The following EFCAB11 variants were observed in gnomAD, a reference collection of about 807,000 sequenced individuals.
EFCAB11 encodes EF-hand calcium binding domain 11, also known as EF-hand calcium-binding domain-containing protein 11.
In EFCAB11, 14 loss-of-function variants were observed where a neutral mutation model predicts 23.0. That is an observed-to-expected ratio of 0.61 (90% CI 0.40 to 0.95). The LOEUF is 0.95. Among genes scored for constraint, EFCAB11 ranks in the 40% least tolerant of loss-of-function variants. The pLI is 0.00. For synonymous variants in EFCAB11, 65 were observed against 66.6 expected (o/e 0.98, Z 0.11); for missense variants, 198 against 195.8 (o/e 1.01, Z -0.07).
intron 5 of EFCAB11, among the ~76,000 whole-genome samples, chr14:89,845,361 C>G (rs1887398463): frequency 6.6e-6 from 1 of 152,174 alleles, no homozygotes; most frequent in Admixed American, 6.5e-5. Context: ...ATATGATTTT[C>G]AAGGAGGTCT....
At chr14:89,898,313 T>C (rs753795443) in intron 5 of EFCAB11, among the ~76,000 whole-genome samples, 8 of 152,188 alleles carry the variant, frequency 5.3e-5, no homozygotes, top group Non-Finnish European at 1.0e-4. Flanking sequence ...ACTGTTCTTA[T>C]GAAGAATTAG....
At chr14:89,873,421 C>T (rs1262375798) in intron 5 of EFCAB11, among the ~76,000 whole-genome samples, 1 of 152,086 alleles carries the variant, frequency 6.6e-6, no homozygotes, top group Non-Finnish European at 1.5e-5. Flanking sequence ...GTCCCTGGCC[C>T]CTCCCAAATC....
intron 3 of EFCAB11, among the ~76,000 whole-genome samples, chr14:89,938,689 C>T (rs1383179608): frequency 3.3e-5 from 5 of 151,868 alleles, no homozygotes; most frequent in African/African-American, 1.2e-4. Flanking sequence ...TGGGAGGCCA[C>T]GGCAGGCAGA....
At chr14:89,893,547 C>T (rs144155001) in intron 5 of EFCAB11, among the ~76,000 whole-genome samples, 7,452 of 151,916 alleles carry the variant, frequency 0.049, 255 homozygotes, top group Middle Eastern at 0.12. Context: ...CAGGGCAGCC[C>T]GTATCCAAAG....
chr14:89,942,856 T>G (rs1890839053), intron 3 of EFCAB11, among the ~76,000 whole-genome samples: 1 of 152,262 alleles, frequency 6.6e-6, no homozygotes, highest in Non-Finnish European at 1.5e-5. Context: ...CTTTTCACTC[T>G]TCTTAATTTT....
intron 5 of EFCAB11, among the ~76,000 whole-genome samples, chr14:89,861,066 T>C (rs976723144): frequency 6.6e-6 from 1 of 152,246 alleles, no homozygotes; most frequent in Non-Finnish European, 1.5e-5. Context: ...CTGTTCTTCT[T>C]GTCATCTTGA....
At chr14:89,907,438 G>A (rs1322634358) in intron 5 of EFCAB11, among the ~76,000 whole-genome samples, 2 of 152,128 alleles carry the variant, frequency 1.3e-5, no homozygotes, top group African/African-American at 4.8e-5. Flanking sequence ...TCAAAAGATT[G>A]TATGACCAAA....
chr14:89,927,526 C>T (rs1315594697), intron 5 of EFCAB11, among the ~76,000 whole-genome samples: 2 of 152,150 alleles, frequency 1.3e-5, no homozygotes, highest in Non-Finnish European at 1.5e-5. Context: ...AAAAAGTGAA[C>T]GTCTAACCTT....
At position 89,836,331 on chromosome 14, in the gene EFCAB11, C is replaced by T. The variant is rs1006898480; in HGVS notation, c.411-39007G>A. Reference sequence around the variant, plus strand: ...CTATTGGACCAGGAGATATGTCCATCCAAAGCTCATACCCATTACCTTTTA... The same window carrying T: ...CTATTGGACCAGGAGATATGTCCATTCAAAGCTCATACCCATTACCTTTTA... On this transcript the variant is annotated intron_variant, in intron 5 of 5. Coordinates refer to ENST00000316738, the MANE Select transcript of EFCAB11 (RefSeq NM_145231.4). 9.0e-5 allele frequency: 28 copies of T among 309,496 alleles called. No homozygotes were observed. In the Admixed American group the frequency reaches 1.2e-3, roughly 13 times the overall value. 19.2% of individuals were successfully genotyped at this position (309,496 alleles called of 1,614,324 possible).
upstream of EFCAB11, chr14:89,954,775 CG>C: frequency 3.4e-6 from 5 of 1,450,900 alleles, no homozygotes; most frequent in Admixed American, 2.1e-5. Context: ...AACTTCACCG[CG>C]CAACTCCGAC....
At position 89,944,189 on chromosome 14, in the gene EFCAB11, C is replaced by T. The variant is rs546099672; in HGVS notation, c.217+5908G>A. Reference sequence around the variant, plus strand: ...GTTCCACACGGCTGGGGAGCCCCCACGATCATAGCGGAAGGCAAAGAGGAG... The same window carrying T: ...GTTCCACACGGCTGGGGAGCCCCCATGATCATAGCGGAAGGCAAAGAGGAG... On this transcript the variant is annotated intron_variant, in intron 3 of 5. Transcript: ENST00000316738. Among the ~76,000 whole-genome samples, 22 of 152,276 alleles carry T rather than the reference C, an allele frequency of 1.4e-4. 2 individuals carry two copies. The highest frequency in any genetic ancestry group is 1.2e-3 in the Admixed American group (18 of 15,300).
chr14:89,865,455 G>GGAGA lies in EFCAB11; in HGVS notation c.410+66082_410+66085dup, dbSNP rs139270134. On this transcript the variant is annotated intron_variant, in intron 5 of 5. Coordinates refer to ENST00000316738, the MANE Select transcript of EFCAB11 (RefSeq NM_145231.4). Reference sequence around the variant, plus strand: ...TGAAGAGGGAAGGGATGCTATGCGGGGAGAGAGAGAGAGAGATACTTTATT... The same window carrying GGAGA: ...TGAAGAGGGAAGGGATGCTATGCGGGGAGAGAGAGAGAGAGAGAGATACTTTATT... Among the ~76,000 whole-genome samples the GGAGA allele has an allele frequency of 3.0e-3, 461 of 151,398 alleles. 1 individual carries two copies. The highest frequency in any genetic ancestry group is 5.2e-3 in the Non-Finnish European group (353 of 67,752).
At chr14:89,867,774 G>A (rs765297784) in intron 5 of EFCAB11, among the ~76,000 whole-genome samples, 9 of 152,132 alleles carry the variant, frequency 5.9e-5, no homozygotes, top group East Asian at 1.9e-4. Flanking sequence ...CTGCTACGCC[G>A]AGGAAATGAG....
At chr14:89,854,853 CT>C (rs1263447753) in intron 5 of EFCAB11, among the ~76,000 whole-genome samples, 1 of 152,122 alleles carries the variant, frequency 6.6e-6, no homozygotes, top group Non-Finnish European at 1.5e-5. Context: ...TTGAATGCAC[CT>C]GCTCTTCCAC....
intron 5 of EFCAB11, among the ~76,000 whole-genome samples, chr14:89,847,784 A>G (rs931472493): frequency 6.6e-6 from 1 of 151,820 alleles, no homozygotes; most frequent in Admixed American, 6.6e-5. Context: ...AAGAAAAAAA[A>G]GAATGCAGAC....
At chr14:89,948,616 G>C (rs1891057648) in intron 3 of EFCAB11, among the ~76,000 whole-genome samples, 1 of 152,182 alleles carries the variant, frequency 6.6e-6, no homozygotes, top group African/African-American at 2.4e-5. Context: ...AATGGATAAA[G>C]AAAATGTGGT....
intron 5 of EFCAB11, among the ~76,000 whole-genome samples, chr14:89,893,395 T>C (rs1889043840): frequency 6.6e-6 from 1 of 152,160 alleles, no homozygotes; most frequent in African/African-American, 2.4e-5. Context: ...AGCAACTATG[T>C]TGGGCACACA....
intron 5 of EFCAB11, among the ~76,000 whole-genome samples, chr14:89,842,628 ATATG>A (rs753163743): frequency 7.3e-4 from 110 of 150,952 alleles, no homozygotes; most frequent in African/African-American, 2.6e-3. Context: ...ATATGATATG[ATATG>A]ATATGATATA....
chr14:89,834,475 G>T (rs144085494), intron 5 of EFCAB11, among the ~76,000 whole-genome samples: 1 of 145,456 alleles, frequency 6.9e-6, no homozygotes, highest in East Asian at 2.2e-4. Context: ...TATGTAATTT[G>T]ATACTGACTG....
Sources: gnomAD v4.1 joint callset for allele counts (sites outside exome capture counted in the v4.1 genomes callset) on GRCh38, gnomAD v4.1.1 for gene constraint, MANE v1.5 for transcripts, NCBI Gene and HGNC (gene_info 2026-07-23, HGNC 2026-07-21) for gene names.